PTPRN2: variants seen among roughly 807,000 people sequenced by gnomAD.
PTPRN2 encodes protein tyrosine phosphatase receptor type N2, also known as receptor-type tyrosine-protein phosphatase N2.
In PTPRN2, 74 loss-of-function variants were observed where a neutral mutation model predicts 118.8. The observed-to-expected ratio is 0.62, with a 90% CI of 0.52 to 0.76. PTPRN2 has a LOEUF of 0.76. PTPRN2 is among the 30% of genes least tolerant of loss of function. PTPRN2 has a pLI of 0.00. For synonymous variants in PTPRN2, 641 were observed against 608.0 expected (o/e 1.05, Z -0.80); for missense variants, 1,481 against 1,394.4 (o/e 1.06, Z -0.99).
At chr7:158,333,605 C>G (rs1389380748) in intron 2 of PTPRN2, among the ~76,000 whole-genome samples, 7 of 151,700 alleles carry the variant, frequency 4.6e-5, no homozygotes, top group African/African-American at 1.2e-4. Flanking sequence ...CACCCACACT[C>G]TCACTATAAG....
chr7:158,271,248 C>T (rs2150966787), intron 3 of PTPRN2, among the ~76,000 whole-genome samples: 1 of 152,290 alleles, frequency 6.6e-6, no homozygotes. Flanking sequence ...CCGCAAAACA[C>T]CAAATGACAC....
At chr7:158,499,067 G>T (rs375310131) in intron 1 of PTPRN2, among the ~76,000 whole-genome samples, 3 of 152,168 alleles carry the variant, frequency 2.0e-5, no homozygotes, top group African/African-American at 7.2e-5. Context: ...GAAAAATCCA[G>T]TTCATAGTTT....
rs532332150 is a variant in PTPRN2 at position 158,091,563 on chromosome 7, T to C, written c.1644-10186A>G. 9.2e-5 allele frequency among the ~76,000 whole-genome samples: 14 copies of C among 152,096 alleles called. No individual in the cohort carries two copies. The East Asian group carries it at 2.7e-3, about 30-fold the overall frequency. On this transcript the variant is annotated intron_variant, in intron 10 of 22. Coordinates refer to ENST00000389418, the MANE Select transcript of PTPRN2 (RefSeq NM_002847.5). ...TGGATTTGGAGTGAAGCCCATAACA[T>C]GAATAGATGGGTGCGTGAGGGATAG...
At chr7:158,012,571 C>A (rs555939043) in intron 11 of PTPRN2, among the ~76,000 whole-genome samples, 321 of 152,288 alleles carry the variant, frequency 2.1e-3, no homozygotes, top group African/African-American at 7.2e-3. Flanking sequence ...CTGCTGGCAC[C>A]AGCTCTTATT....
intron 12 of PTPRN2, among the ~76,000 whole-genome samples, chr7:157,760,182 G>A (rs575703087): frequency 7.9e-5 from 12 of 152,150 alleles, no homozygotes; most frequent in South Asian, 2.1e-4. Flanking sequence ...CATCCCCCAC[G>A]TGGTGATCAG....
Position 157,788,704 on chromosome 7 carries a change from A to C in PTPRN2, c.1789-105767T>G, listed in dbSNP as rs566486749. 3.3e-3 allele frequency among the ~76,000 whole-genome samples: 509 copies of C among 152,160 alleles called. 2 individuals are homozygous for C. Among genetic ancestry groups the C allele is most frequent in the African/African-American group, 0.011 (459 of 41,494 alleles). Reference sequence around the variant, plus strand: ...GCTCTGAAGGCCTCTGGGGCCACCCAACTGCCATGCAGGAGGCCTCCGGGG... The same window carrying C: ...GCTCTGAAGGCCTCTGGGGCCACCCCACTGCCATGCAGGAGGCCTCCGGGG... On this transcript the variant is annotated intron_variant, in intron 12 of 22. Transcript: ENST00000389418.
chr7:157,941,292 A>G (rs1585055570), intron 11 of PTPRN2, among the ~76,000 whole-genome samples: 1 of 68,702 alleles, frequency 1.5e-5, no homozygotes, highest in Non-Finnish European at 2.4e-5. Context: ...CAAATCTAAC[A>G]CTCTCCCCTG....
chr7:157,563,008 TC>T (rs1232245584), intron 21 of PTPRN2, among the ~76,000 whole-genome samples: 2 of 110,556 alleles, frequency 1.8e-5, no homozygotes, highest in Non-Finnish European at 3.6e-5. Context: ...GACCACATGC[TC>T]CCACGTCACC....
chr7:158,501,146 C>T (rs1462670210), intron 1 of PTPRN2, among the ~76,000 whole-genome samples: 2 of 152,248 alleles, frequency 1.3e-5, no homozygotes, highest in Non-Finnish European at 2.9e-5. Flanking sequence ...TTAACTATGA[C>T]ATTTTCGTGC....
chr7:158,131,043 C>T lies in PTPRN2; in HGVS notation c.1556+2634G>A, dbSNP rs539349802. ...TCATATACACACACTTATACACACA[C>T]GTACATACAGACACCTGCCCAACAC... On this transcript the variant is annotated intron_variant, in intron 9 of 22. Transcript: ENST00000389418. Among the ~76,000 whole-genome samples the T allele has an allele frequency of 6.5e-3, 747 of 115,364 alleles. 7 individuals are homozygous for T. Among genetic ancestry groups the T allele is most frequent in the African/African-American group, 0.025 (703 of 28,396 alleles). The allele number at this position is 115,364 out of a possible 152,430, so 75.7% of individuals were successfully genotyped here. A position where few individuals can be genotyped will look rare whatever the true frequency, so the allele number is the denominator to read the frequency against.
rs551919798 is a variant in PTPRN2, at chr7:157,936,000, G to C, written c.1724-37263C>G. 3.3e-5 allele frequency among the ~76,000 whole-genome samples: 5 copies of C among 152,152 alleles called. No individual in the cohort carries two copies. The South Asian group carries it at 1.0e-3, about 32-fold the overall frequency. On this transcript the variant is annotated intron_variant, in intron 11 of 22. Coordinates refer to ENST00000389418, the MANE Select transcript of PTPRN2 (RefSeq NM_002847.5). ...GTGTCGCTCCCTCAGGGGGGGTTTA[G>C]ACATCTTCAGCATCTGTGTCGCTCC... is the stretch of plus-strand genomic sequence containing the variant.
chr7:157,749,049 C>G (rs1300844954), intron 12 of PTPRN2, among the ~76,000 whole-genome samples: 7 of 111,818 alleles, frequency 6.3e-5, no homozygotes, highest in Non-Finnish European at 5.4e-5. Flanking sequence ...ATTCTGAGGC[C>G]TGCGTCCCTG....
At chr7:158,086,077 C>T (rs1042305869) in intron 10 of PTPRN2, among the ~76,000 whole-genome samples, 2 of 152,218 alleles carry the variant, frequency 1.3e-5, no homozygotes. Flanking sequence ...TTGAAGCATA[C>T]TGTGAAATTC....
chr7:158,540,131 A>T (rs565622163), intron 1 of PTPRN2, among the ~76,000 whole-genome samples: 1 of 152,260 alleles, frequency 6.6e-6, no homozygotes, highest in African/African-American at 2.4e-5. Flanking sequence ...TGGCCTTTGC[A>T]GTCACACACA....
At chr7:158,577,894 T>C (rs1311896613) in intron 1 of PTPRN2, among the ~76,000 whole-genome samples, 1 of 152,128 alleles carries the variant, frequency 6.6e-6, no homozygotes, top group African/African-American at 2.4e-5. Flanking sequence ...ACACAGACCC[T>C]GCACTGCCCG....
At chr7:158,306,934 C>T (rs1801349669) in intron 3 of PTPRN2, among the ~76,000 whole-genome samples, 1 of 147,878 alleles carries the variant, frequency 6.8e-6, no homozygotes, top group African/African-American at 2.5e-5. Context: ...TGGTGTGATC[C>T]CAGCCTACTG....
chr7:158,491,441 G>T (rs1054122858), intron 1 of PTPRN2, among the ~76,000 whole-genome samples: 1 of 152,134 alleles, frequency 6.6e-6, no homozygotes, highest in Non-Finnish European at 1.5e-5. Context: ...GATTGTTTTT[G>T]GTTTGGGGGA....
intron 2 of PTPRN2, among the ~76,000 whole-genome samples, chr7:158,326,926 CACAT>C (rs1272874493): frequency 4.0e-5 from 6 of 151,500 alleles, no homozygotes; most frequent in Admixed American, 2.6e-4. Context: ...CACACGTTCT[CACAT>C]GCACACATAC....
At chr7:158,144,625 C>T (rs756790097) in intron 6 of PTPRN2, among the ~76,000 whole-genome samples, 10 of 151,708 alleles carry the variant, frequency 6.6e-5, no homozygotes, top group Non-Finnish European at 1.0e-4. Flanking sequence ...GGCGATAGAG[C>T]GAGAGAAGGG....
Sources: gnomAD v4.1 joint callset for allele counts (sites outside exome capture counted in the v4.1 genomes callset) on GRCh38, gnomAD v4.1.1 for gene constraint, MANE v1.5 for transcripts, NCBI Gene and HGNC (gene_info 2026-07-23, HGNC 2026-07-21) for gene names.